CNTNAP2: variants seen among roughly 807,000 people sequenced by gnomAD.
CNTNAP2 encodes contactin-associated protein-like 2.
In CNTNAP2, 98 loss-of-function variants were observed where a neutral mutation model predicts 155.2. The observed-to-expected ratio is 0.63, with a 90% CI of 0.54 to 0.75. The LOEUF is 0.75. Ranked by LOEUF, CNTNAP2 falls within the 30% of genes least tolerant of loss-of-function variation. The probability of loss-of-function intolerance (pLI) is 0.00; values close to 1 mark genes in which losing one functional copy is unlikely to be tolerated. For missense variants in CNTNAP2, 1,727 were observed against 1,688.1 expected (o/e 1.02, Z -0.40); for synonymous variants, 651 against 631.2 (o/e 1.03, Z -0.47).
chr7:146,989,037 GC>G (rs2129238393), intron 3 of CNTNAP2, among the ~76,000 whole-genome samples: 1 of 152,204 alleles, frequency 6.6e-6, no homozygotes, highest in Admixed American at 6.5e-5. Context: ...CTTCTTGTCT[GC>G]CAGATGTTTG....
intron 3 of CNTNAP2, among the ~76,000 whole-genome samples, chr7:146,935,983 A>G (rs1308919016): frequency 6.6e-6 from 1 of 152,184 alleles, no homozygotes; most frequent in Non-Finnish European, 1.5e-5. Flanking sequence ...GTTTGCATTC[A>G]GACATCTCCA....
intron 1 of CNTNAP2, among the ~76,000 whole-genome samples, chr7:146,721,808 TA>T (rs1801332706): frequency 1.6e-5 from 2 of 124,600 alleles, no homozygotes; most frequent in African/African-American, 7.2e-5. Context: ...AGACTATATA[TA>T]GTCTATATAT....
chr7:146,276,559 T>A (rs1268921333), intron 1 of CNTNAP2, among the ~76,000 whole-genome samples: 1 of 152,196 alleles, frequency 6.6e-6, no homozygotes, highest in African/African-American at 2.4e-5. Flanking sequence ...TATAATAAGA[T>A]AATCCCTACT....
chr7:147,733,841 C>T (rs1458011475), intron 13 of CNTNAP2, among the ~76,000 whole-genome samples: 1 of 152,134 alleles, frequency 6.6e-6, no homozygotes, highest in African/African-American at 2.4e-5. Flanking sequence ...TATAAGAATG[C>T]TTGTGATTTT....
At chr7:146,415,641 C>CAT (rs1554430422) in intron 1 of CNTNAP2, among the ~76,000 whole-genome samples, 1 of 151,654 alleles carries the variant, frequency 6.6e-6, no homozygotes, top group Non-Finnish European at 1.5e-5. Flanking sequence ...AATTAAGACA[C>CAT]TCCACTTTTG....
At chr7:146,582,584 A>T (rs1245723723) in intron 1 of CNTNAP2, among the ~76,000 whole-genome samples, 1 of 152,166 alleles carries the variant, frequency 6.6e-6, no homozygotes, top group Admixed American at 6.6e-5. Flanking sequence ...GCAGGTGTTG[A>T]TTTGTGATCA....
At chr7:147,634,282 A>T (rs1795141049) in intron 12 of CNTNAP2, among the ~76,000 whole-genome samples, 1 of 152,222 alleles carries the variant, frequency 6.6e-6, no homozygotes, top group East Asian at 1.9e-4. Context: ...CATAAAAAGA[A>T]TGAAATAATG....
At chr7:148,080,588 G>C (rs190357894) in intron 15 of CNTNAP2, among the ~76,000 whole-genome samples, 20 of 129,590 alleles carry the variant, frequency 1.5e-4, no homozygotes, top group Admixed American at 8.9e-4. Flanking sequence ...CTGGGCAACA[G>C]AGCAAGACTC....
intron 3 of CNTNAP2, among the ~76,000 whole-genome samples, chr7:146,853,413 C>T (rs950965119): frequency 2.0e-5 from 3 of 152,120 alleles, no homozygotes; most frequent in African/African-American, 7.2e-5. Flanking sequence ...TCTCTCAACT[C>T]TTACTACACA....
At position 147,719,593 on chromosome 7, in the gene CNTNAP2, G is replaced by A. The variant is rs143045760; in HGVS notation, c.2098+80287G>A. ...AAAATGTTTTACACTGGTAAACAGCGTAACTGTTTGGCTGAAACTGTCACT... is the reference window on the plus strand; with the variant it reads ...AAAATGTTTTACACTGGTAAACAGCATAACTGTTTGGCTGAAACTGTCACT... On this transcript the variant is annotated intron_variant, in intron 13 of 23. Transcript: ENST00000361727. Among the ~76,000 whole-genome samples, 627 of 152,076 alleles carry A rather than the reference G, an allele frequency of 4.1e-3. 2 individuals are homozygous for A. Among genetic ancestry groups the A allele is most frequent in the Middle Eastern group, 0.02 (6 of 294 alleles).
At chr7:147,163,678 T>C (rs1394597774) in intron 8 of CNTNAP2, among the ~76,000 whole-genome samples, 1 of 152,182 alleles carries the variant, frequency 6.6e-6, no homozygotes, top group East Asian at 1.9e-4. Flanking sequence ...CTCTATGGTA[T>C]CTAGAAGAGA....
intron 21 of CNTNAP2, among the ~76,000 whole-genome samples, chr7:148,343,388 T>A (rs1798268735): frequency 6.6e-6 from 1 of 152,228 alleles, no homozygotes. Context: ...TGTCAATGTA[T>A]TTTATTTATG....
rs71527791 is a variant in CNTNAP2, at chr7:146,231,015, AAAAT to A, written c.97+114066_97+114069del. On this transcript the variant is annotated intron_variant, in intron 1 of 23. Transcript: ENST00000361727. Reference sequence around the variant, plus strand: ...GGGCAACAGAGCGAGACTTTGTCTCAAAATAAATAAATAAATAAATAAATAAAAA... The same window carrying A: ...GGGCAACAGAGCGAGACTTTGTCTCAAAATAAATAAATAAATAAATAAAAA... Among the ~76,000 whole-genome samples, 214 of 80,706 alleles carry A rather than the reference AAAAT, an allele frequency of 2.7e-3. 1 individual carries two copies. Among genetic ancestry groups the A allele is most frequent in the African/African-American group, 6.7e-3 (204 of 30,510 alleles). The allele number at this position is 80,706 out of a possible 152,430, so 52.9% of individuals were successfully genotyped here. A position where few individuals can be genotyped will look rare whatever the true frequency, so the allele number is the denominator to read the frequency against.
intron 3 of CNTNAP2, among the ~76,000 whole-genome samples, chr7:146,905,542 G>A (rs1019750344): frequency 3.3e-5 from 5 of 152,128 alleles, no homozygotes; most frequent in African/African-American, 1.2e-4. Context: ...TAAAGAAAGT[G>A]TATAGAATTT....
At chr7:146,669,412 A>G (rs546258013) in intron 1 of CNTNAP2, among the ~76,000 whole-genome samples, 5 of 152,196 alleles carry the variant, frequency 3.3e-5, no homozygotes, top group Non-Finnish European at 5.9e-5. Flanking sequence ...GGATTAAGTA[A>G]TATACACAGG....
chr7:146,735,147 CT>C (rs1326898256), intron 1 of CNTNAP2, among the ~76,000 whole-genome samples: 1 of 152,130 alleles, frequency 6.6e-6, no homozygotes, highest in African/African-American at 2.4e-5. Context: ...AAGCATACAT[CT>C]TTTTTTGAAA....
intron 8 of CNTNAP2, among the ~76,000 whole-genome samples, chr7:147,266,098 A>G (rs1421980334): frequency 2.6e-5 from 4 of 152,168 alleles, no homozygotes; most frequent in Non-Finnish European, 4.4e-5. Flanking sequence ...AACAATCACA[A>G]TACCTCTCCA....
chr7:147,975,179 A>C (rs1801407641), intron 14 of CNTNAP2, among the ~76,000 whole-genome samples: 1 of 151,862 alleles, frequency 6.6e-6, no homozygotes, highest in South Asian at 2.1e-4. Flanking sequence ...ATAAATATTT[A>C]AAGTTGGGTA....
chr7:147,131,105 CAT>C (rs928043375), intron 7 of CNTNAP2, among the ~76,000 whole-genome samples: 4 of 139,912 alleles, frequency 2.9e-5, no homozygotes, highest in East Asian at 2.6e-4. Context: ...TATACACACA[CAT>C]ATATATACCA....
Sources: gnomAD v4.1 joint callset for allele counts (sites outside exome capture counted in the v4.1 genomes callset) on GRCh38, gnomAD v4.1.1 for gene constraint, MANE v1.5 for transcripts, NCBI Gene and HGNC (gene_info 2026-07-23, HGNC 2026-07-21) for gene names.